The following PKD1L1 variants were observed in gnomAD, a reference collection of about 807,000 sequenced individuals.
PKD1L1 encodes the protein polycystin 1 like 1, transient receptor potential channel interacting, also known as polycystin-1-like protein 1.
In PKD1L1, 236 loss-of-function variants were observed where a neutral mutation model predicts 323.4. That is an observed-to-expected ratio of 0.73 (90% CI 0.66 to 0.81). The LOEUF (loss-of-function observed/expected upper bound fraction) is 0.81. PKD1L1 is among the 40% of genes least tolerant of loss of function. The pLI is 0.00. For synonymous variants in PKD1L1, 1,344 were observed against 1,335.0 expected (o/e 1.01, Z -0.15); for missense variants, 3,320 against 3,508.0 (o/e 0.95, Z 1.35).
chr7:47,954,601 G>GT, the PKD1L1 span, among the ~76,000 whole-genome samples: 14 of 121,722 alleles, frequency 1.2e-4, no homozygotes, highest in East Asian at 3.4e-3. Context: ...CCCTAAAACT[G>GT]TAATTACTCT....
chr7:47,820,622 G>A (rs1374714678), intron 46 of PKD1L1, among the ~76,000 whole-genome samples: 1 of 152,220 alleles, frequency 6.6e-6, no homozygotes, highest in Non-Finnish European at 1.5e-5. Flanking sequence ...AGCTACTTGG[G>A]AGGCTGAGGC....
intron 45 of PKD1L1, among the ~76,000 whole-genome samples, chr7:47,825,884 A>T (rs1347468130): frequency 6.6e-6 from 1 of 152,154 alleles, no homozygotes; most frequent in East Asian, 1.9e-4. Flanking sequence ...ATAACCTAAT[A>T]CTTTACTAGT....
chr7:47,888,195 G>T, intron 16 of PKD1L1, 45 bp from the exon 17 acceptor site: 1 of 1,562,346 alleles, frequency 6.4e-7, no homozygotes, highest in South Asian at 1.1e-5. Context: ...AATAATGTGA[G>T]GGTTCTTTGG....
chr7:47,933,782 C>T (rs758484407), intron 4 of PKD1L1, among the ~76,000 whole-genome samples: 15 of 152,168 alleles, frequency 9.9e-5, no homozygotes, highest in African/African-American at 1.7e-4. Context: ...TAAGGACACG[C>T]GCACACTCTT....
chr7:47,939,995 G>A (rs566311449), intron 3 of PKD1L1, among the ~76,000 whole-genome samples, 198 bp downstream of exon 3: 1 of 152,346 alleles, frequency 6.6e-6, no homozygotes, highest in African/African-American at 2.4e-5. Flanking sequence ...AGCCCTGCCT[G>A]CACTTCTTAT....
intron 7 of PKD1L1, among the ~76,000 whole-genome samples, chr7:47,922,935 C>T (rs905363597): frequency 5.3e-5 from 8 of 152,240 alleles, no homozygotes; most frequent in African/African-American, 1.9e-4. Context: ...GATTGTTACT[C>T]TGTCTGTGTA....
the PKD1L1 span, among the ~76,000 whole-genome samples, chr7:47,959,617 T>C: frequency 8.7e-6 from 1 of 114,386 alleles, no homozygotes; most frequent in Non-Finnish European, 2.0e-5. Context: ...GAGGAGCCCC[T>C]CCGCCCGGCA....
chr7:47,854,578 TA>T (rs556197034), intron 30 of PKD1L1, among the ~76,000 whole-genome samples: 2 of 151,548 alleles, frequency 1.3e-5, no homozygotes, highest in South Asian at 2.1e-4. Flanking sequence ...TTTGGAAAAA[TA>T]AAAAAAAATC....
chr7:47,960,138 A>G, the PKD1L1 span, among the ~76,000 whole-genome samples: 6 of 150,968 alleles, frequency 4.0e-5, no homozygotes, highest in Non-Finnish European at 7.4e-5. Flanking sequence ...GGGTGGTGCA[A>G]GATGTGCTTT....
At chr7:47,944,144 C>T (rs533085706) in intron 1 of PKD1L1, among the ~76,000 whole-genome samples, 2 of 152,216 alleles carry the variant, frequency 1.3e-5, no homozygotes, top group South Asian at 4.1e-4. Flanking sequence ...AATTGTAATC[C>T]CCAGTGCTAG....
rs1784942609 is a variant in PKD1L1 at position 47,813,310 on chromosome 7, C to A, written c.7174-17G>T. 1 of 1,613,306 alleles carries A rather than the reference C, an allele frequency of 6.2e-7. No individual in the cohort carries two copies. The highest frequency in any genetic ancestry group is 8.5e-7 in the Non-Finnish European group (1 of 1,179,644). Reference sequence around the variant, plus strand: ...CCTGGGAGGCTGCAGAACAAACCAGCAGTCAGAAGACACAGATACTATTCC... The same window carrying A: ...CCTGGGAGGCTGCAGAACAAACCAGAAGTCAGAAGACACAGATACTATTCC... On this transcript the variant is annotated splice_polypyrimidine_tract_variant and intron_variant, in intron 48 of 56. Coordinates refer to ENST00000289672, the MANE Select transcript of PKD1L1 (RefSeq NM_138295.5).
chr7:47,858,762 T>C lies in PKD1L1; in HGVS notation c.4273A>G (p.Arg1425Gly). ...VRLELIGLIS[R>G]VWEVSEQENS... ...TCTTGCTCAGAGACTTCCCAGACTCTGGATATGAGACCGATGAGCTCAAGC... is the reference window on the plus strand; with the variant it reads ...TCTTGCTCAGAGACTTCCCAGACTCCGGATATGAGACCGATGAGCTCAAGC... Residue 1425 changes from arginine to glycine, a missense_variant, in exon 27 of 57, where the codon AGA (arginine) becomes GGA (glycine). Physicochemically the swap from Arg to Gly is moderately radical, Grantham distance 125 (BLOSUM62 -2). Transcript: ENST00000289672. The C allele has an allele frequency of 6.2e-7, 1 of 1,614,200 alleles. No homozygotes were observed. Among genetic ancestry groups the C allele is most frequent in the Non-Finnish European group, 8.5e-7 (1 of 1,180,024 alleles).
intron 24 of PKD1L1, among the ~76,000 whole-genome samples, chr7:47,870,450 A>AT (rs1249242564): frequency 6.6e-6 from 1 of 152,186 alleles, no homozygotes; most frequent in Admixed American, 6.5e-5. Flanking sequence ...CCATATAGAA[A>AT]TAAAAAGGAT....
At chr7:47,942,398 G>T (rs2128758815) in intron 2 of PKD1L1, among the ~76,000 whole-genome samples, 1 of 152,182 alleles carries the variant, frequency 6.6e-6, no homozygotes, top group South Asian at 2.1e-4. Context: ...GCGTTGCATT[G>T]TTTCAACATT....
chr7:47,926,128 T>G (rs1233815340), intron 7 of PKD1L1, among the ~76,000 whole-genome samples: 1 of 152,202 alleles, frequency 6.6e-6, no homozygotes, highest in Admixed American at 6.5e-5. Flanking sequence ...AGGACAGAAT[T>G]AACTGAGTCT....
At chr7:47,856,286 G>A (rs964352370) in intron 28 of PKD1L1, among the ~76,000 whole-genome samples, 2 of 152,092 alleles carry the variant, frequency 1.3e-5, no homozygotes, top group African/African-American at 4.8e-5. Context: ...TGATCCACTC[G>A]CCTCGGCCTC....
chr7:47,880,280 A>ATTTTTTT (rs1380647150), intron 21 of PKD1L1, among the ~76,000 whole-genome samples: 2 of 71,588 alleles, frequency 2.8e-5, no homozygotes, highest in Non-Finnish European at 5.0e-5. Flanking sequence ...ATATATATAT[A>ATTTTTTT]TATATTTTTT....
intron 48 of PKD1L1, chr7:47,813,694 G>A (rs902493895): frequency 1.6e-6 from 1 of 643,730 alleles, no homozygotes; most frequent in Non-Finnish European, 2.8e-6. Flanking sequence ...GCCAAAGAGT[G>A]AATTGAAGAA....
At chr7:47,868,650 C>T (rs59435142) in intron 24 of PKD1L1, among the ~76,000 whole-genome samples, 3,435 of 152,018 alleles carry the variant, frequency 0.023, 128 homozygotes, top group African/African-American at 0.078. Flanking sequence ...CCGAGGCAGG[C>T]GGATCACCTG....
Sources: gnomAD v4.1 joint callset for allele counts (sites outside exome capture counted in the v4.1 genomes callset) on GRCh38, gnomAD v4.1.1 for gene constraint, MANE v1.5 for transcripts, NCBI Gene and HGNC (gene_info 2026-07-23, HGNC 2026-07-21) for gene names.